Variants in TMC7 observed in about 807,000 individuals in gnomAD.
TMC7 encodes transmembrane channel like 7.
Under a neutral mutation model 82.9 loss-of-function variants are expected in TMC7, and 54 were observed. The ratio of observed to expected loss-of-function variants is 0.65; its 90% CI spans 0.52 to 0.82. The LOEUF is 0.82. Ranked by LOEUF, TMC7 falls within the 40% of genes least tolerant of loss-of-function variation. The pLI, the probability that TMC7 is intolerant of heterozygous loss-of-function variation, is 0.00. For synonymous variants in TMC7, 350 were observed against 337.9 expected, an observed-to-expected ratio of 1.04 and a Z score of -0.39; for missense variants, 820 against 901.2, an observed-to-expected ratio of 0.91 and a Z score of 1.15.
At chr16:19,005,174 T>C (rs1172788961) in intron 1 of TMC7, among the ~76,000 whole-genome samples, 3 of 152,040 alleles carry the variant, frequency 2.0e-5, no homozygotes, top group Admixed American at 6.6e-5. Context: ...CCACAAGCTC[T>C]GCCTCCTGGG....
At chr16:19,027,705 G>A (rs886813966) in intron 5 of TMC7, among the ~76,000 whole-genome samples, 9 of 151,974 alleles carry the variant, frequency 5.9e-5, no homozygotes, top group Admixed American at 2.0e-4. Flanking sequence ...AAAGGAGAAT[G>A]GAGTCTTCTG....
chr16:18,985,255 T>C (rs199930845), intron 1 of TMC7, among the ~76,000 whole-genome samples: 1 of 95,590 alleles, frequency 1.0e-5, no homozygotes, highest in Non-Finnish European at 2.5e-5. Context: ...CAAGACTGTT[T>C]CAAAAAAAAA....
At chr16:19,058,557 T>G (rs1464982933) in intron 14 of TMC7, among the ~76,000 whole-genome samples, 1 of 151,984 alleles carries the variant, frequency 6.6e-6, no homozygotes, top group Non-Finnish European at 1.5e-5. Context: ...TCATTCTCTC[T>G]CTTTCTGTCA....
intron 9 of TMC7, among the ~76,000 whole-genome samples, chr16:19,044,543 T>C (rs1158736838): frequency 2.0e-5 from 3 of 151,860 alleles, no homozygotes; most frequent in Non-Finnish European, 4.4e-5. Flanking sequence ...CTCACACCTA[T>C]AATCCCAGCA....
intron 14 of TMC7, among the ~76,000 whole-genome samples, chr16:19,057,869 C>T (rs1035990742): frequency 6.6e-6 from 1 of 152,128 alleles, no homozygotes; most frequent in Non-Finnish European, 1.5e-5. Context: ...TTCCATTTGC[C>T]CCTCTCCCCA....
intron 1 of TMC7, among the ~76,000 whole-genome samples, chr16:18,996,022 C>T (rs191451630): frequency 6.6e-6 from 1 of 152,054 alleles, no homozygotes; most frequent in Admixed American, 6.6e-5. Flanking sequence ...GAAACCTTGA[C>T]TTGCCTTTAG....
rs867727393 is a variant in TMC7, at chr16:18,986,380, G to A, written c.67+2250G>A. 2.0e-4 allele frequency among the ~76,000 whole-genome samples: 28 copies of A among 140,774 alleles called. 1 individual carries two copies. The Middle Eastern group carries it at 0.012, about 58-fold the overall frequency. The allele number at this position is 140,774 out of a possible 152,430, so 92.4% of individuals were successfully genotyped here. ...ACTGCACTCCAGCCTGGGTGACAGA[G>A]ACTCTGTCTGAAAAAAAAAAAAAAA... On this transcript the variant is annotated intron_variant, in intron 1 of 15. Transcript: ENST00000304381.
At chr16:19,013,787 G>A (rs1393589569) in intron 2 of TMC7, among the ~76,000 whole-genome samples, 2 of 151,618 alleles carry the variant, frequency 1.3e-5, no homozygotes, top group Admixed American at 6.6e-5. Context: ...CCAAAGTGCT[G>A]GGATTACAAG....
chr16:18,992,218 G>A (rs1338393103), intron 1 of TMC7, among the ~76,000 whole-genome samples: 1 of 152,186 alleles, frequency 6.6e-6, no homozygotes, highest in Non-Finnish European at 1.5e-5. Context: ...CACCAACAGT[G>A]TAAAAGTGTT....
At chr16:19,043,723 C>A (rs1038848386) in intron 9 of TMC7, among the ~76,000 whole-genome samples, 10 of 152,152 alleles carry the variant, frequency 6.6e-5, no homozygotes, top group Non-Finnish European at 1.2e-4. Context: ...GGGATGTGTG[C>A]CACCATGCCC....
intron 12 of TMC7, among the ~76,000 whole-genome samples, chr16:19,048,834 G>A (rs770511017): frequency 1.3e-5 from 2 of 152,060 alleles, no homozygotes; most frequent in African/African-American, 4.8e-5. Flanking sequence ...CAAGCCCAAC[G>A]TTTATTGATT....
At chr16:19,031,072 G>A (rs1007651390) in intron 6 of TMC7, among the ~76,000 whole-genome samples, 2 of 152,136 alleles carry the variant, frequency 1.3e-5, no homozygotes, top group African/African-American at 2.4e-5. Context: ...GGACAAAGAT[G>A]GAGCCATGGC....
intron 14 of TMC7, among the ~76,000 whole-genome samples, chr16:19,057,727 C>T (rs951260566): frequency 3.9e-5 from 6 of 152,236 alleles, no homozygotes; most frequent in Admixed American, 1.3e-4. Context: ...ATACTGTGGA[C>T]GTCACTGATT....
At chr16:19,044,191 G>T (rs1961153103) in intron 9 of TMC7, among the ~76,000 whole-genome samples, 1 of 151,988 alleles carries the variant, frequency 6.6e-6, no homozygotes, top group African/African-American at 2.4e-5. Flanking sequence ...TTGTTTGTTT[G>T]TTTTTTCTCA....
intron 11 of TMC7, among the ~76,000 whole-genome samples, chr16:19,046,125 C>T (rs936635433): frequency 2.7e-4 from 41 of 152,164 alleles, no homozygotes; most frequent in Admixed American, 1.8e-3. Context: ...GGGTCGCTTT[C>T]CATGAGGTTT....
chr16:19,056,930 G>A (rs1567531947), intron 14 of TMC7, among the ~76,000 whole-genome samples: 1 of 151,406 alleles, frequency 6.6e-6, no homozygotes, highest in Non-Finnish European at 1.5e-5. Flanking sequence ...TTCGAGACCA[G>A]CCTGGACAGC....
intron 2 of TMC7, among the ~76,000 whole-genome samples, chr16:19,010,494 C>T (rs1232795823): frequency 2.0e-5 from 3 of 152,146 alleles, no homozygotes; most frequent in East Asian, 3.9e-4. Flanking sequence ...AGGTTCAGGT[C>T]AGTGGGGGAC....
At chr16:18,986,787 C>T (rs549249729) in intron 1 of TMC7, among the ~76,000 whole-genome samples, 7 of 152,066 alleles carry the variant, frequency 4.6e-5, no homozygotes, top group South Asian at 2.1e-4. Context: ...CTGTTCTCTT[C>T]GCCTGGACTC....
intron 3 of TMC7, among the ~76,000 whole-genome samples, chr16:19,020,853 AAAATAAATAAAT>A (rs144614183): frequency 1.1e-4 from 15 of 142,568 alleles, no homozygotes; most frequent in South Asian, 2.2e-4. Flanking sequence ...CATGGTGTCA[AAAATAAATAAAT>A]AAATAAATAA....
Sources: gnomAD v4.1 joint callset for allele counts (sites outside exome capture counted in the v4.1 genomes callset) on GRCh38, gnomAD v4.1.1 for gene constraint, MANE v1.5 for transcripts, NCBI Gene and HGNC (gene_info 2026-07-23, HGNC 2026-07-21) for gene names.